The following DMD variants were observed in gnomAD, a reference collection of about 807,000 sequenced individuals.
DMD encodes the protein mutant dystrophin.
A neutral mutation model predicts 330.1 loss-of-function variants in DMD; 63 were observed. The ratio of observed to expected loss-of-function variants is 0.19; its 90% confidence interval spans 0.16 to 0.24. The LOEUF is 0.24. Ranked by LOEUF, DMD falls within the 10% of genes least tolerant of loss-of-function variation. The pLI, the probability that DMD is intolerant of heterozygous loss-of-function variation, is 1.00. For missense variants in DMD, 3,344 were observed against 2,684.1 expected (o/e 1.25, Z -5.43); for synonymous variants, 1,223 against 959.8 (o/e 1.27, Z -5.07).
At chrX:31,150,053 C>T (rs1326249660) in intron 74 of DMD, among the ~76,000 whole-genome samples, 4 of 111,875 alleles carry the variant, frequency 3.6e-5, no homozygotes, top group Non-Finnish European at 5.6e-5. Flanking sequence ...TCTCTAAATA[C>T]ATAGTGTGCT....
chrX:32,145,197 A>T (rs2096773010), intron 44 of DMD, among the ~76,000 whole-genome samples: 1 of 112,767 alleles, frequency 8.9e-6, no homozygotes, highest in African/African-American at 3.2e-5. Flanking sequence ...TATGTAAGTT[A>T]TTTCAAAAGA....
At chrX:32,958,914 G>C (rs2091745485) in intron 2 of DMD, among the ~76,000 whole-genome samples, 1 of 110,303 alleles carries the variant, frequency 9.1e-6, no homozygotes, top group African/African-American at 3.3e-5. Context: ...CATAAATGCA[G>C]CTTTAACATG....
At position 33,217,858 on chromosome X, in the gene DMD, T is replaced by C. The variant is rs146387455; in HGVS notation, c.7+121401A>G. Among the ~76,000 whole-genome samples the C allele has an allele frequency of 6.5e-3, 719 of 111,269 alleles. 5 individuals are homozygous for C. The highest frequency in any genetic ancestry group is 0.022 in the African/African-American group (684 of 30,739). On this transcript the variant is annotated intron_variant, in intron 1 of 17. Transcript: ENST00000288447. ...TTTGTAGAATACCTGGGATTTTACA[T>C]AGATCATCATAACATCTGCAAATGG...
chrX:33,288,781 G>A (rs912339112), intron 1 of DMD, among the ~76,000 whole-genome samples: 8 of 111,798 alleles, frequency 7.2e-5, no homozygotes, highest in East Asian at 5.6e-4. Context: ...GGATCTCAGC[G>A]TAAATATCAC....
At chrX:32,949,970 A>T (rs12844455) in intron 2 of DMD, among the ~76,000 whole-genome samples, 261 of 63,950 alleles carry the variant, frequency 4.1e-3, no homozygotes, top group Middle Eastern at 0.022. Flanking sequence ...AGAGGCAAAA[A>T]AAAAAAAAAA....
intron 60 of DMD, among the ~76,000 whole-genome samples, chrX:31,376,922 C>T (rs974760112): frequency 3.6e-5 from 4 of 112,068 alleles, no homozygotes; most frequent in African/African-American, 1.3e-4. Context: ...GCGGTTCTAA[C>T]CCAGCAAAAT....
At chrX:31,382,742 T>C (rs1434313851) in intron 60 of DMD, among the ~76,000 whole-genome samples, 1 of 110,905 alleles carries the variant, frequency 9.0e-6, no homozygotes. Flanking sequence ...TACCACAAAA[T>C]CTTCCTTCAG....
At chrX:32,536,973 G>A (rs978894094) in intron 17 of DMD, among the ~76,000 whole-genome samples, 4 of 111,768 alleles carry the variant, frequency 3.6e-5, no homozygotes, top group Admixed American at 9.5e-5. Flanking sequence ...ATTTCATACA[G>A]AAAAATTTCA....
chrX:32,081,184 C>T (rs758308726), intron 44 of DMD, among the ~76,000 whole-genome samples: 1 of 112,058 alleles, frequency 8.9e-6, no homozygotes, highest in South Asian at 3.7e-4. Context: ...ATATGATGTT[C>T]CATCTCAGCT....
chrX:32,324,455 A>G (rs1409712389), intron 41 of DMD, among the ~76,000 whole-genome samples: 1 of 111,365 alleles, frequency 9.0e-6, no homozygotes, highest in Non-Finnish European at 1.9e-5. Context: ...ATGCTGCGTT[A>G]ATGGTGATTT....
chrX:31,187,598 A>G (rs1420303101), intron 67 of DMD, among the ~76,000 whole-genome samples: 1 of 111,202 alleles, frequency 9.0e-6, no homozygotes, highest in African/African-American at 3.3e-5. Context: ...AATTAATGAA[A>G]GAAACAGTGC....
chrX:31,645,734 G>T (rs999982738), intron 54 of DMD, among the ~76,000 whole-genome samples: 3 of 111,734 alleles, frequency 2.7e-5, no homozygotes, highest in Non-Finnish European at 5.7e-5. Context: ...TTGTTTTCAT[G>T]GTCAAACTTT....
chrX:32,517,101 C>T (rs866891403), intron 18 of DMD: 2 of 111,293 alleles, frequency 1.8e-5, no homozygotes, highest in Admixed American at 9.6e-5. Flanking sequence ...GAGGTAATGT[C>T]GTATTTGTAA....
rs2032249052 is a variant in DMD at position 31,120,613 on chromosome X, T to A, written c.*1306A>T. ...TTTTGACTGTGAGAAGAGGGCATAATAATTTAGTTGTAATTACAGAGAACT... is the reference window on the plus strand; with the variant it reads ...TTTTGACTGTGAGAAGAGGGCATAAAAATTTAGTTGTAATTACAGAGAACT... On this transcript the variant is annotated 3_prime_UTR_variant, in exon 79 of 79. Transcript: ENST00000357033. 1 of 112,095 alleles carries A rather than the reference T, an allele frequency of 8.9e-6. No homozygotes were observed. Among genetic ancestry groups the A allele is most frequent in the Non-Finnish European group, 1.9e-5 (1 of 53,227 alleles). 9.2% of individuals were successfully genotyped at this position (112,095 alleles called of 1,213,427 possible). A position where few individuals can be genotyped will look rare whatever the true frequency, so the allele number is the denominator to read the frequency against.
chrX:31,720,932 T>G (rs2085422674), intron 52 of DMD, among the ~76,000 whole-genome samples: 1 of 111,771 alleles, frequency 8.9e-6, no homozygotes, highest in Non-Finnish European at 1.9e-5. Context: ...AATTTAAAAA[T>G]GAAATACATT....
At chrX:32,383,619 GT>G (rs2097939333) in intron 33 of DMD, among the ~76,000 whole-genome samples, 1 of 110,469 alleles carries the variant, frequency 9.1e-6, no homozygotes, top group East Asian at 2.8e-4. Context: ...TTTGGCCTAT[GT>G]TTTTGCTGTA....
rs919642153 is a variant in DMD at position 32,856,851 on chromosome X, G to A, written c.94-7031C>T. Among the ~76,000 whole-genome samples the A allele has an allele frequency of 8.1e-5, 9 of 111,494 alleles. 1 individual carries two copies. The highest frequency in any genetic ancestry group is 2.9e-4 in the Admixed American group (3 of 10,483). On this transcript the variant is annotated intron_variant, in intron 2 of 78. Coordinates refer to ENST00000357033, the MANE Select transcript of DMD (RefSeq NM_004006.3). ...AACACTTTGGGAGGCCGAGGCAGGC[G>A]GATCATGAGGTCAGGAGATCGAGAC...
At chrX:32,406,763 G>A (rs1004000943) in intron 30 of DMD, among the ~76,000 whole-genome samples, 2 of 111,020 alleles carry the variant, frequency 1.8e-5, no homozygotes, top group Non-Finnish European at 3.8e-5. Flanking sequence ...CATGGTACTG[G>A]TACCAAAACA....
At chrX:32,960,445 G>A (rs1454566875) in intron 2 of DMD, 1 of 112,094 alleles carries the variant, frequency 8.9e-6, no homozygotes, top group Non-Finnish European at 1.9e-5. Flanking sequence ...AAAACTCAAA[G>A]CTGCCAAAAT....
Sources: allele counts gnomAD v4.1 joint callset (sites outside exome capture counted in the v4.1 genomes callset), GRCh38; gene constraint gnomAD v4.1.1; transcripts MANE v1.5; gene names NCBI Gene and HGNC (gene_info 2026-07-23, HGNC 2026-07-21).